AKR1A1: variants seen among roughly 807,000 people sequenced by gnomAD.
AKR1A1 encodes the protein aldo-keto reductase family 1 member A1.
AKR1A1 carries 26 observed loss-of-function variants against 39.2 expected under a neutral mutation model. That is an observed-to-expected ratio of 0.66 (90% CI 0.49 to 0.92). AKR1A1 has a LOEUF of 0.92. Among genes scored for constraint, AKR1A1 ranks in the 40% least tolerant of loss-of-function variants. The pLI, the probability that AKR1A1 is intolerant of heterozygous loss-of-function variation, is 0.00. For missense variants in AKR1A1, 378 were observed against 406.5 expected, an observed-to-expected ratio of 0.93 and a Z score of 0.60; for synonymous variants, 141 against 155.5, an observed-to-expected ratio of 0.91 and a Z score of 0.69.
intron 1 of AKR1A1, among the ~76,000 whole-genome samples, chr1:45,557,131 A>G (rs1339553079): frequency 6.6e-6 from 1 of 151,882 alleles, no homozygotes. Flanking sequence ...TGGAGGTTGC[A>G]GTGAGCCAAG....
chr1:45,567,681 G>T (rs11211141), intron 4 of AKR1A1: 3 of 200,786 alleles, frequency 1.5e-5, no homozygotes, highest in Non-Finnish European at 3.0e-5. Flanking sequence ...CAAAAAATTA[G>T]CTGCGCGTGG....
rs750461840 is a variant in AKR1A1, at chr1:45,568,160, C to G, written c.535C>G (p.Arg179Gly). ...TGACATACTCAGTGTGGCCTCCGTG[C>G]GTCCAGCTGTCTTGCAGGTAAGGAC... is the stretch of plus-strand genomic sequence containing the variant. ...IDDILSVASV[R>G]PAVLQVECHP... The change falls in exon 5 of 9, where the codon CGT (arginine) becomes GGT (glycine). Residue 179 changes from arginine (R) to glycine (G), a missense_variant. Physicochemically the swap from Arg to Gly is moderately radical, Grantham distance 125. Coordinates refer to ENST00000351829, the MANE Select transcript of AKR1A1 (RefSeq NM_153326.3). 6.2e-7 allele frequency: 1 copy of G among 1,613,064 alleles called. No individual in the cohort carries two copies. The highest frequency in any genetic ancestry group is 1.3e-5 in the African/African-American group (1 of 74,984).
chr1:45,565,694 C>T (rs1185295905), intron 2 of AKR1A1, among the ~76,000 whole-genome samples: 3 of 151,892 alleles, frequency 2.0e-5, no homozygotes, highest in Non-Finnish European at 4.4e-5. Flanking sequence ...AGGCTGGTCT[C>T]AAACCCCTGA....
chr1:45,558,152 GTGATCTGCC>G (rs1272412258), intron 1 of AKR1A1, among the ~76,000 whole-genome samples: 3 of 151,648 alleles, frequency 2.0e-5, no homozygotes, highest in African/African-American at 7.3e-5. Context: ...CAAGTCTTAA[GTGATCTGCC>G]TGCCTCGGCC....
rs528041930 is a variant in AKR1A1, at chr1:45,566,431, C to T, written c.85-138C>T. 120 of 1,349,036 alleles carry T rather than the reference C, an allele frequency of 8.9e-5. No homozygotes were observed. The East Asian group carries it at 2.7e-3, about 30-fold the overall frequency. 83.6% of individuals were successfully genotyped at this position (1,349,036 alleles called of 1,614,324 possible). ...GCGTGAGCCACCGCGCCCAGTTCAT[C>T]TTCCATCTTTTCACCTCCACTGCAT... On this transcript the variant is annotated intron_variant, in intron 2 of 8. Coordinates refer to ENST00000351829, the MANE Select transcript of AKR1A1 (RefSeq NM_153326.3).
At chr1:45,567,102 A>G in intron 4 of AKR1A1, 82 bp downstream of exon 4, 1 of 1,541,850 alleles carries the variant, frequency 6.5e-7, no homozygotes, top group East Asian at 2.3e-5. Context: ...TCACAGCAGC[A>G]GAGCAGGATA....
intron 1 of AKR1A1, among the ~76,000 whole-genome samples, chr1:45,556,983 A>G (rs555801028): frequency 1.6e-4 from 24 of 152,132 alleles, no homozygotes; most frequent in African/African-American, 5.5e-4. Context: ...TGAGGTCAGG[A>G]GTTCAAGACC....
At chr1:45,560,631 G>A (rs767997337) in intron 1 of AKR1A1, among the ~76,000 whole-genome samples, 3 of 151,948 alleles carry the variant, frequency 2.0e-5, no homozygotes, top group Non-Finnish European at 4.4e-5. Flanking sequence ...TCCTTTTTTA[G>A]GACTCCCTTT....
intron 2 of AKR1A1, among the ~76,000 whole-genome samples, chr1:45,564,090 A>T (rs993668908): frequency 6.6e-6 from 1 of 152,202 alleles, no homozygotes; most frequent in Non-Finnish European, 1.5e-5. Flanking sequence ...AGATTCTTCT[A>T]TCTGGGATTT....
chr1:45,567,217 G>A, intron 4 of AKR1A1, 197 bp downstream of exon 4: 1 of 696,658 alleles, frequency 1.4e-6, no homozygotes, highest in Non-Finnish European at 2.3e-6. Flanking sequence ...CTGGAAAAAG[G>A]AAGGCAGTCT....
Position 45,566,979 on chromosome 1 carries a change from G to A in AKR1A1, c.315G>A (p.Glu105=), listed in dbSNP as rs1407941076. The part of the protein sequence containing the change: ...LRKTLADLQL[E]YLDLYLMHWP... The stretch of plus-strand genomic sequence containing the variant: ...AGACTCTGGCTGACCTCCAGCTGGA[G>A]TATCTGGACCTGTACCTGATGCACT... Residue 105 remains glutamate, a synonymous_variant, in exon 4 of 9, where the codon GAG becomes GAA. Coordinates refer to ENST00000351829, the MANE Select transcript of AKR1A1 (RefSeq NM_153326.3). The A allele has an allele frequency of 6.2e-7, 1 of 1,614,274 alleles. No individual in the cohort carries two copies. Among genetic ancestry groups the A allele is most frequent in the Non-Finnish European group, 8.5e-7 (1 of 1,180,052 alleles).
chr1:45,569,020 T>C, intron 7 of AKR1A1, 21 bp downstream of exon 7: 1 of 1,613,024 alleles, frequency 6.2e-7, no homozygotes, highest in Non-Finnish European at 8.5e-7. Flanking sequence ...ATGGGTTCTA[T>C]CTTCTTTAGC....
Position 45,567,991 on chromosome 1 carries a change from CA to C in AKR1A1, c.368del (p.Asn123ThrfsTer74). 1 of 1,612,138 alleles carries C rather than the reference CA, an allele frequency of 6.2e-7. No individual in the cohort carries two copies. The highest frequency in any genetic ancestry group is 8.5e-7 in the Non-Finnish European group (1 of 1,178,700). ...HWPYAFERGD[N>X]PFPKNADGTI... ...GCTGTCTCTCACTCAGGCGGGGAGA[CA>C]ACCCCTTCCCCAAGAATGCTGATGG... On this transcript the variant is annotated frameshift_variant, in exon 5 of 9. Coordinates refer to ENST00000351829, the MANE Select transcript of AKR1A1 (RefSeq NM_153326.3). LOFTEE classifies it high-confidence loss of function.
At position 45,568,082 on chromosome 1, in the gene AKR1A1, A is replaced by C. The variant is rs1031740193; in HGVS notation, c.457A>C (p.Lys153Gln). 6.2e-7 allele frequency: 1 copy of C among 1,614,050 alleles called. No homozygotes were observed. Among genetic ancestry groups the C allele is most frequent in the East Asian group, 2.2e-5 (1 of 44,854 alleles). Reference sequence around the variant, plus strand: ...GAAGGCTCTGGAGGCACTGGTGGCTAAGGGGCTGGTGCAGGCGCTGGGCCT... The same window carrying C: ...GAAGGCTCTGGAGGCACTGGTGGCTCAGGGGCTGGTGCAGGCGCTGGGCCT... ...TWKALEALVA[K>Q]GLVQALGLSN... Residue 153 changes from lysine (K) to glutamine (Q), a missense_variant, in exon 5 of 9, where the codon AAG becomes CAG. Physicochemically the swap from Lys to Gln is moderately conservative, Grantham distance 53. Coordinates refer to ENST00000351829, the MANE Select transcript of AKR1A1 (RefSeq NM_153326.3).
chr1:45,564,924 A>C (rs1644320482), intron 2 of AKR1A1, among the ~76,000 whole-genome samples: 1 of 150,852 alleles, frequency 6.6e-6, no homozygotes, highest in Non-Finnish European at 1.5e-5. Flanking sequence ...CTAGGTTCAC[A>C]CCATTCTCCT....
intron 2 of AKR1A1, among the ~76,000 whole-genome samples, chr1:45,565,364 A>G (rs1174250419): frequency 6.7e-6 from 1 of 149,300 alleles, no homozygotes; most frequent in Non-Finnish European, 1.5e-5. Context: ...TCCCGACCTC[A>G]GGTGATCCAC....
At chr1:45,566,289 G>A (rs1225493150) in intron 2 of AKR1A1, among the ~76,000 whole-genome samples, 1 of 152,016 alleles carries the variant, frequency 6.6e-6, no homozygotes, top group Non-Finnish European at 1.5e-5. Context: ...TGTATTTTTA[G>A]CAGAGATGGG....
chr1:45,556,503 C>T (rs1007375071), intron 1 of AKR1A1, among the ~76,000 whole-genome samples: 6 of 151,768 alleles, frequency 4.0e-5, no homozygotes, highest in African/African-American at 1.2e-4. Flanking sequence ...ATCACTTGAA[C>T]CTGGGAAGTG....
chr1:45,557,927 T>TTTTTTTTTTTTTTTG (rs1644227267), intron 1 of AKR1A1, among the ~76,000 whole-genome samples: 2 of 148,252 alleles, frequency 1.3e-5, no homozygotes. Context: ...TTTTTTTTTT[T>TTTTTTTTTTTTTTTG]GAGATGGAGC....
Sources: allele counts gnomAD v4.1 joint callset (sites outside exome capture counted in the v4.1 genomes callset), GRCh38; gene constraint gnomAD v4.1.1; transcripts MANE v1.5; gene names NCBI Gene and HGNC (gene_info 2026-07-23, HGNC 2026-07-21).